The following ARV1 variants were observed in gnomAD, a reference collection of about 807,000 sequenced individuals.
ARV1 encodes the protein protein ARV1.
In ARV1, 26 loss-of-function variants were observed where a neutral mutation model predicts 31.1. The ratio of observed to expected loss-of-function variants is 0.84; its 90% CI spans 0.61 to 1.16. ARV1 has a LOEUF of 1.16. Ranked by LOEUF, ARV1 falls within the 50% of genes most tolerant of loss-of-function variation. The pLI, the probability that ARV1 is intolerant of heterozygous loss-of-function variation, is 0.00. For synonymous variants in ARV1, 117 were observed against 123.2 expected (o/e 0.95, Z 0.34); for missense variants, 281 against 324.9 (o/e 0.86, Z 1.04).
chr1:230,988,278 G>A, intron 1 of ARV1, 42 bp from the exon 2 acceptor site: 2 of 1,550,436 alleles, frequency 1.3e-6, no homozygotes, highest in Non-Finnish European at 1.8e-6. Context: ...ATTTCAGAAA[G>A]TATACATTTG....
chr1:230,984,630 A>G (rs531007966), intron 1 of ARV1, among the ~76,000 whole-genome samples: 1 of 152,306 alleles, frequency 6.6e-6, no homozygotes, highest in African/African-American at 2.4e-5. Flanking sequence ...GGGCTTGATT[A>G]ACTTTTATAT....
At chr1:230,995,712 T>C in intron 3 of ARV1, 48 bp from the exon 4 acceptor site, 2 of 1,418,086 alleles carry the variant, frequency 1.4e-6, no homozygotes, top group Non-Finnish European at 2.0e-6. Context: ...TAAGGGGATA[T>C]ATTTTGGATG....
In ARV1 at chr1:230,990,230, G is replaced by T; in HGVS notation, c.415G>T (p.Asp139Tyr). 6.2e-7 allele frequency: 1 copy of T among 1,612,864 alleles called. No homozygotes were observed. Among genetic ancestry groups the T allele is most frequent in the South Asian group, 1.1e-5 (1 of 90,706 alleles). ...CTTGATCAGATATGCTAAGGAATGGGATTTCTATAGAATGTTTGCGATTGC... is the reference window on the plus strand; with the variant it reads ...CTTGATCAGATATGCTAAGGAATGGTATTTCTATAGAATGTTTGCGATTGC... Reference protein sequence around the residue: ...DDLIRYAKEWDFYRMFAIAAL... With the variant: ...DDLIRYAKEWYFYRMFAIAAL... The change falls in exon 3 of 6, where the codon GAT (aspartate) becomes TAT (tyrosine). Residue 139 changes from aspartate (D) to tyrosine (Y), a missense_variant. Physicochemically the swap from Asp to Tyr is radical, Grantham distance 160 (BLOSUM62 -3). Transcript: ENST00000310256.
chr1:230,998,166 CT>C (rs1466956592), intron 5 of ARV1, among the ~76,000 whole-genome samples: 3 of 152,190 alleles, frequency 2.0e-5, no homozygotes, highest in Admixed American at 2.0e-4. Context: ...CACAGCCAGA[CT>C]GTGGATGGCA....
intron 1 of ARV1, among the ~76,000 whole-genome samples, chr1:230,984,365 T>TGC (rs376700947): frequency 0.077 from 5,516 of 71,278 alleles, 129 homozygotes; most frequent in South Asian, 0.12. Flanking sequence ...TGTGTGTGCG[T>TGC]GTGTGTGTGT....
chr1:230,998,721 C>T (rs943960168), intron 5 of ARV1, among the ~76,000 whole-genome samples: 7 of 149,136 alleles, frequency 4.7e-5, no homozygotes, highest in Admixed American at 3.3e-4. Flanking sequence ...GCCTGGGCAA[C>T]ATAGTGAGAC....
rs34285543 is a variant in ARV1 at position 230,984,363 on chromosome 1, C to CGTGTGTGT, written c.175-3926_175-3919dup. Among the ~76,000 whole-genome samples, 1,125 of 129,796 alleles carry CGTGTGTGT rather than the reference C, an allele frequency of 8.7e-3. 13 individuals are homozygous for CGTGTGTGT. Among genetic ancestry groups the CGTGTGTGT allele is most frequent in the African/African-American group, 0.015 (527 of 35,150 alleles). 85.2% of individuals were successfully genotyped at this position (129,796 alleles called of 152,430 possible). On this transcript the variant is annotated intron_variant, in intron 1 of 5. Transcript: ENST00000310256. Reference sequence around the variant, plus strand: ...TGTTTCGTGTGTGTGTGTGTGTGTGCGTGTGTGTGTGTGTGTGTGTGTGTG... The same window carrying CGTGTGTGT: ...TGTTTCGTGTGTGTGTGTGTGTGTGCGTGTGTGTGTGTGTGTGTGTGTGTGTGTGTGTG...
At chr1:230,984,367 T>TGTGTGTGTGTGTGC in intron 1 of ARV1, among the ~76,000 whole-genome samples, 1 of 124,296 alleles carries the variant, frequency 8.0e-6, no homozygotes, top group Non-Finnish European at 1.7e-5. Flanking sequence ...TGTGTGCGTG[T>TGTGTGTGTGTGTGC]GTGTGTGTGT....
rs1402365030 is a variant in ARV1, at chr1:230,987,692, T to TC, written c.175-627dup. 4.6e-5 allele frequency among the ~76,000 whole-genome samples: 7 copies of TC among 151,986 alleles called. 1 individual carries two copies. The highest frequency in any genetic ancestry group is 8.8e-5 in the Non-Finnish European group (6 of 67,990). On this transcript the variant is annotated intron_variant, in intron 1 of 5. Coordinates refer to ENST00000310256, the MANE Select transcript of ARV1 (RefSeq NM_022786.3). ...TCTCCAGACTGTACAGACAGTAGAG[T>TC]CTGTCTCTACTCTAGCAGAGAAAGA... is the stretch of plus-strand genomic sequence containing the variant.
intron 1 of ARV1, among the ~76,000 whole-genome samples, chr1:230,987,703 T>C (rs1283399232): frequency 6.6e-6 from 1 of 152,186 alleles, no homozygotes; most frequent in East Asian, 1.9e-4. Flanking sequence ...CTGTCTCTAC[T>C]CTAGCAGAGA....
chr1:230,998,057 T>C (rs973099659), intron 5 of ARV1, among the ~76,000 whole-genome samples: 1 of 152,236 alleles, frequency 6.6e-6, no homozygotes, highest in Non-Finnish European at 1.5e-5. Context: ...GTCTTCGGTC[T>C]TCCTCATTCT....
Position 230,979,295 on chromosome 1 carries a change from T to TG in ARV1, c.174+20dup, listed in dbSNP as rs780433358. The stretch of plus-strand genomic sequence containing the variant: ...AACCATCTGTGTGAGTTGTCAGGTG[T>TG]GGGGTGCCCTTGAGAAGAAAATGGC... On this transcript the variant is annotated intron_variant, in intron 1 of 5. Transcript: ENST00000310256. The TG allele has an allele frequency of 1.8e-5, 29 of 1,612,120 alleles. No individual in the cohort carries two copies. The South Asian group carries it at 3.2e-4, about 18-fold the overall frequency.
intron 3 of ARV1, 197 bp downstream of exon 3, chr1:230,990,460 C>G: frequency 1.7e-6 from 1 of 590,998 alleles, no homozygotes; most frequent in South Asian, 2.2e-5. Flanking sequence ...AATTTGTTAC[C>G]ACGTATATGG....
chr1:230,989,756 A>C (rs1372044879), intron 2 of ARV1, among the ~76,000 whole-genome samples: 1 of 152,244 alleles, frequency 6.6e-6, no homozygotes, highest in Non-Finnish European at 1.5e-5. Flanking sequence ...CAGAAATCAA[A>C]AATGTATAAT....
intron 4 of ARV1, 83 bp from the exon 5 acceptor site, chr1:230,997,038 A>C: frequency 6.6e-7 from 1 of 1,506,750 alleles, no homozygotes; most frequent in Non-Finnish European, 9.0e-7. Flanking sequence ...ACAGCTTTAC[A>C]AAACAATTCA....
chr1:230,994,737 G>A (rs1341608908), intron 3 of ARV1, among the ~76,000 whole-genome samples: 4 of 151,956 alleles, frequency 2.6e-5, no homozygotes, highest in South Asian at 2.1e-4. Context: ...GTAGAGACGG[G>A]GTTTCACCGT....
Position 230,982,673 on chromosome 1 carries a change from G to A in ARV1, c.174+3394G>A, listed in dbSNP as rs115869395. ...AGACAGAGTGTCTAATGGCCTTGTC[G>A]CTATCATGCTAATGCATACTAAACT... On this transcript the variant is annotated intron_variant, in intron 1 of 5. Coordinates refer to ENST00000310256, the MANE Select transcript of ARV1 (RefSeq NM_022786.3). Among the ~76,000 whole-genome samples the A allele has an allele frequency of 6.6e-3, 1,004 of 152,174 alleles. 9 individuals are homozygous for A. The highest frequency in any genetic ancestry group is 0.023 in the African/African-American group (949 of 41,494).
intron 1 of ARV1, among the ~76,000 whole-genome samples, chr1:230,986,666 C>CTTTTTTTTTTTTTTTTTTTTTTTTTT (rs1558242688): frequency 2.5e-5 from 2 of 79,690 alleles, no homozygotes; most frequent in African/African-American, 8.7e-5. Context: ...AATACTTTTC[C>CTTTTTTTTTTTTTTTTTTTTTTTTTT]TATTTTTTTT....
intron 1 of ARV1, among the ~76,000 whole-genome samples, chr1:230,982,492 A>T (rs780246325): frequency 6.6e-6 from 1 of 152,216 alleles, no homozygotes; most frequent in Non-Finnish European, 1.5e-5. Flanking sequence ...TAATTATTGG[A>T]TAGCTGTTTA....
Sources: allele counts gnomAD v4.1 joint callset (sites outside exome capture counted in the v4.1 genomes callset), GRCh38; gene constraint gnomAD v4.1.1; transcripts MANE v1.5; gene names NCBI Gene and HGNC (gene_info 2026-07-23, HGNC 2026-07-21).